Variants in BCR observed in about 807,000 individuals in gnomAD.
BCR encodes breakpoint cluster region protein.
Under a neutral mutation model 138.6 loss-of-function variants are expected in BCR, and 58 were observed. The ratio of observed to expected loss-of-function variants is 0.42; its 90% CI spans 0.34 to 0.52. The LOEUF (loss-of-function observed/expected upper bound fraction) is 0.52, where lower values mean the gene tolerates loss of function less well. BCR is among the 20% of genes least tolerant of loss of function. The probability of loss-of-function intolerance (pLI) is 0.06; values close to 1 mark genes in which losing one functional copy is unlikely to be tolerated. For synonymous variants in BCR, 786 were observed against 730.1 expected, an observed-to-expected ratio of 1.08 and a Z score of -1.23; for missense variants, 1,599 against 1,727.2, an observed-to-expected ratio of 0.93 and a Z score of 1.32.
chr22:23,199,250 TCTC>T lies in BCR; in HGVS notation c.1279+17012_1279+17014del, dbSNP rs758016727. The T allele has an allele frequency of 7.7e-6, 4 of 518,352 alleles. No homozygotes were observed. In the Admixed American group the frequency reaches 7.8e-5, roughly 10 times the overall value. The allele number at this position is 518,352 out of a possible 1,614,324, so 32.1% of individuals were successfully genotyped here. Reference sequence around the variant, plus strand: ...GAGTGGCTCCAGAAGACTCTTCTCTTCTCTGTGCAAGAGCCAGGAAGGCTCTAG... The same window carrying T: ...GAGTGGCTCCAGAAGACTCTTCTCTTTGTGCAAGAGCCAGGAAGGCTCTAG... On this transcript the variant is annotated intron_variant, in intron 1 of 22. Transcript: ENST00000305877.
intron 4 of BCR, chr22:23,264,278 G>A (rs2073410991): frequency 1.1e-6 from 1 of 924,166 alleles, no homozygotes; most frequent in African/African-American, 1.6e-5. Flanking sequence ...GCAGCCCTGT[G>A]TACTGCCTGC....
intron 1 of BCR, among the ~76,000 whole-genome samples, chr22:23,193,147 G>A (rs1363258158): frequency 6.6e-6 from 1 of 152,270 alleles, no homozygotes; most frequent in African/African-American, 2.4e-5. Context: ...TTAAAGTGCT[G>A]CTGGGGTCAG....
chr22:23,181,482 G>C lies in BCR; in HGVS notation c.522G>C (p.Lys174Asn), dbSNP rs775996427. The change falls in exon 1 of 23, where the codon AAG becomes AAC. Residue 174 changes from lysine (K) to asparagine (N), a missense_variant. By Grantham distance (94) the Lys-to-Asn change is moderately conservative (BLOSUM62 0). This residue lies in a region of BCR where 806 missense variants were observed against 635.0 expected (regional missense o/e 1.27). Coordinates refer to ENST00000305877, the MANE Select transcript of BCR (RefSeq NM_004327.4). ...GCCAGCCCGGGGCGGACGCCGAGAAGCCCTTCTACGTGAACGTCGAGTTTC... is the reference window on the plus strand; with the variant it reads ...GCCAGCCCGGGGCGGACGCCGAGAACCCCTTCTACGTGAACGTCGAGTTTC... ...GHGQPGADAEKPFYVNVEFHH... is the reference protein window; with the variant it reads ...GHGQPGADAENPFYVNVEFHH... The C allele has an allele frequency of 2.5e-6, 4 of 1,610,618 alleles. No individual in the cohort carries two copies. In the Admixed American group the frequency reaches 6.7e-5, roughly 27 times the overall value.
At chr22:23,264,340 T>C (rs1392728772) in intron 4 of BCR, 5 of 982,096 alleles carry the variant, frequency 5.1e-6, no homozygotes, top group Non-Finnish European at 8.3e-6. Flanking sequence ...CTCCACGTCC[T>C]GGATATTCAA....
chr22:23,309,337 T>C (rs2073983263), intron 16 of BCR, 87 bp from the exon 17 acceptor site: 2 of 1,077,752 alleles, frequency 1.9e-6, no homozygotes, highest in Admixed American at 4.0e-5. Context: ...GACTAAGGGT[T>C]GGGGAAGTGG....
intron 4 of BCR, among the ~76,000 whole-genome samples, chr22:23,266,472 C>A (rs1375467334): frequency 6.6e-6 from 1 of 152,176 alleles, no homozygotes; most frequent in Non-Finnish European, 1.5e-5. Flanking sequence ...TCCTTGCAAC[C>A]TCTGCCTCCC....
intron 16 of BCR, among the ~76,000 whole-genome samples, chr22:23,300,172 A>G (rs2073888866): frequency 6.6e-6 from 1 of 152,046 alleles, no homozygotes; most frequent in African/African-American, 2.4e-5. Flanking sequence ...ATTAAACAAT[A>G]ACTCCCAGGG....
In BCR at chr22:23,268,487, C is replaced by T; in HGVS notation, c.1832C>T (p.Ala611Val). Residue 611 changes from alanine (A) to valine (V), a missense_variant, in exon 5 of 23, where the codon GCC becomes GTC. This residue lies in a region of BCR where 590 missense variants were observed against 762.4 expected (regional missense o/e 0.77). Transcript: ENST00000305877. ...AMEMAEKCCQ[A>V]NAQFAEISEN... ...GAAATGGCTGAGAAGTGCTGTCAGGCCAATGCTCAGTTTGCAGAAATCTCC... is the reference window on the plus strand; with the variant it reads ...GAAATGGCTGAGAAGTGCTGTCAGGTCAATGCTCAGTTTGCAGAAATCTCC... 2 of 1,613,844 alleles carry T rather than the reference C, an allele frequency of 1.2e-6. No individual in the cohort carries two copies. The highest frequency in any genetic ancestry group is 1.7e-6 in the Non-Finnish European group (2 of 1,179,872).
chr22:23,223,733 G>A (rs1383809157), intron 1 of BCR, among the ~76,000 whole-genome samples: 3 of 152,170 alleles, frequency 2.0e-5, no homozygotes, highest in Non-Finnish European at 4.4e-5. Context: ...AGTGCACAGC[G>A]AGATTTCAGG....
intron 1 of BCR, among the ~76,000 whole-genome samples, chr22:23,183,476 G>T (rs1162647659): frequency 1.3e-5 from 2 of 152,228 alleles, no homozygotes; most frequent in Admixed American, 6.5e-5. Flanking sequence ...TCTTCCATTT[G>T]CAGCTGGGGT....
chr22:23,234,477 C>T (rs1056276390), intron 1 of BCR, among the ~76,000 whole-genome samples: 1 of 152,084 alleles, frequency 6.6e-6, no homozygotes, highest in African/African-American at 2.4e-5. Flanking sequence ...GGGACTGGTG[C>T]CTGGACATGG....
chr22:23,289,487 A>C (rs779420032), intron 12 of BCR, 30 bp from the exon 13 acceptor site: 12 of 1,581,274 alleles, frequency 7.6e-6, no homozygotes, highest in Non-Finnish European at 8.7e-7. Flanking sequence ...CAGATTGACC[A>C]ATTGGTGCAC....
Position 23,182,137 on chromosome 22 carries a change from C to G in BCR, c.1177C>G (p.Arg393Gly). 10 of 1,610,548 alleles carry G rather than the reference C, an allele frequency of 6.2e-6. No homozygotes were observed. The highest frequency in any genetic ancestry group is 8.5e-6 in the Non-Finnish European group (10 of 1,179,890). Residue 393 changes from arginine to glycine, a missense_variant, in exon 1 of 23, where the codon CGG (arginine) becomes GGG (glycine). Physicochemically the swap from Arg to Gly is moderately radical, Grantham distance 125. Transcript: ENST00000305877. Reference sequence around the variant, plus strand: ...CACGCCGCAGTGCCATAAGCGGCACCGGCACTGCCCGGTTGTCGTGTCCGA... The same window carrying G: ...CACGCCGCAGTGCCATAAGCGGCACGGGCACTGCCCGGTTGTCGTGTCCGA... ...PPTPQCHKRHRHCPVVVSEAT... is the reference protein window; with the variant it reads ...PPTPQCHKRHGHCPVVVSEAT...
chr22:23,286,018 C>T (rs148724647), intron 10 of BCR, among the ~76,000 whole-genome samples: 3 of 152,212 alleles, frequency 2.0e-5, no homozygotes, highest in Non-Finnish European at 2.9e-5. Context: ...ACCCAGGCTG[C>T]GTCCTTTGCC....
At chr22:23,197,565 C>G (rs1314093073) in intron 1 of BCR, among the ~76,000 whole-genome samples, 1 of 152,060 alleles carries the variant, frequency 6.6e-6, no homozygotes, top group Non-Finnish European at 1.5e-5. Flanking sequence ...GTAGCAGGCT[C>G]TGGTTGGAGA....
intron 1 of BCR, among the ~76,000 whole-genome samples, chr22:23,196,958 A>G (rs1327990324): frequency 1.3e-5 from 2 of 152,194 alleles, no homozygotes; most frequent in African/African-American, 4.8e-5. Context: ...GGATCCCAGA[A>G]TCCTTGGATG....
In BCR at chr22:23,253,980, G is replaced by A. The variant is rs201526307; in HGVS notation, c.1461G>A (p.Ala487=). Residue 487 remains alanine, a splice_region_variant and synonymous_variant, in exon 2 of 23, where the codon GCG becomes GCA. Coordinates refer to ENST00000305877, the MANE Select transcript of BCR (RefSeq NM_004327.4). Reference sequence around the variant, plus strand: ...CGGGAGCCCTGGAGTCCACTAAAGCGGTGAGTCCCCATGGTGTACGTGTGG... The same window carrying A: ...CGGGAGCCCTGGAGTCCACTAAAGCAGTGAGTCCCCATGGTGTACGTGTGG... ...LVSGALESTK[A]SELDLEKGLE... is the part of the protein sequence containing the mutation. The A allele has an allele frequency of 1.2e-5, 20 of 1,610,786 alleles. No homozygotes were observed. Among genetic ancestry groups the A allele is most frequent in the Middle Eastern group, 1.7e-4 (1 of 5,834 alleles).
Position 23,314,618 on chromosome 22 carries a change from G to A in BCR, c.3630G>A (p.Thr1210=), listed in dbSNP as rs531259855. 3.7e-6 allele frequency: 6 copies of A among 1,611,910 alleles called. No individual in the cohort carries two copies. Among genetic ancestry groups the A allele is most frequent in the East Asian group, 2.2e-5 (1 of 44,870 alleles). Residue 1210 remains threonine (T), a synonymous_variant, in exon 22 of 23, where the codon ACG becomes ACA. Transcript: ENST00000305877. ...ACCTCGCCACGGTCTTTGGCCCCAC[G>A]CTGCTCCGGCCCTCCGAGAAGGAGA... ...LHNLATVFGP[T]LLRPSEKESK...
rs992238627 is a variant in BCR, at chr22:23,229,431, T to C, written c.1280-24368T>C. Among the ~76,000 whole-genome samples the C allele has an allele frequency of 1.4e-4, 22 of 152,218 alleles. 1 individual carries two copies. Among genetic ancestry groups the C allele is most frequent in the Admixed American group, 4.6e-4 (7 of 15,282 alleles). On this transcript the variant is annotated intron_variant, in intron 1 of 22. Transcript: ENST00000305877. ...AATTTTGGGTTATATCCTGGACATC[T>C]TGAGTGTAATATTATGAGACTCCGG...
Sources: gnomAD v4.1 joint callset for allele counts (sites outside exome capture counted in the v4.1 genomes callset) on GRCh38, gnomAD v4.1.1 for gene constraint, gnomAD v4.1.1 regional missense constraint, MANE v1.5 for transcripts, NCBI Gene and HGNC (gene_info 2026-07-23, HGNC 2026-07-21) for gene names.